OR14I1: variants seen among roughly 807,000 people sequenced by gnomAD.
OR14I1 encodes olfactory receptor 14I1.
For synonymous variants in OR14I1, 118 were observed against 71.1 expected (o/e 1.66, Z -3.32); for missense variants, 279 against 181.8 (o/e 1.53, Z -3.07).
At chr1:248,695,228 C>CTTTT in the OR14I1 span, among the ~76,000 whole-genome samples, 80 of 96,688 alleles carry the variant, frequency 8.3e-4, no homozygotes, top group Non-Finnish European at 9.3e-4. Flanking sequence ...TGAATGTATG[C>CTTTT]TTTTTTTTTT....
chr1:248,692,676 C>T, the OR14I1 span: 3 of 151,894 alleles, frequency 2.0e-5, no homozygotes, highest in Admixed American at 1.3e-4. Flanking sequence ...GTCTACAGAA[C>T]AGTGCTGGGG....
At chr1:248,682,081 G>C in exon 1 of OR14I1, 1 of 781,098 alleles carries the variant, frequency 1.3e-6, no homozygotes, top group Non-Finnish European at 2.4e-6. Flanking sequence ...TTTAGGCACA[G>C]TGACTGAGAT....
upstream of OR14I1, among the ~76,000 whole-genome samples, chr1:248,687,087 G>A (rs754850175): frequency 6.6e-5 from 10 of 152,180 alleles, no homozygotes; most frequent in Admixed American, 5.9e-4. Flanking sequence ...GCAGAATATG[G>A]AGTAGGTGCC....
chr1:248,679,565 T>C (rs1661525710), downstream of OR14I1, among the ~76,000 whole-genome samples: 1 of 152,168 alleles, frequency 6.6e-6, no homozygotes. Context: ...CATTAAGTGA[T>C]GAGTCAACTT....
chr1:248,685,257 C>T (rs766916546), upstream of OR14I1, among the ~76,000 whole-genome samples: 1 of 151,964 alleles, frequency 6.6e-6, no homozygotes, highest in Non-Finnish European at 1.5e-5. Flanking sequence ...TTACATTCTG[C>T]ATATTTTGAC....
the OR14I1 span, among the ~76,000 whole-genome samples, chr1:248,687,826 C>T: frequency 6.6e-6 from 1 of 152,130 alleles, no homozygotes; most frequent in African/African-American, 2.4e-5. Context: ...TACTATAAGG[C>T]AGTAGAAAAA....
At chr1:248,690,600 C>CAAAAAAAAAAAA in the OR14I1 span, among the ~76,000 whole-genome samples, 2 of 51,522 alleles carry the variant, frequency 3.9e-5, no homozygotes, top group African/African-American at 7.8e-5. Flanking sequence ...GTCTACCAAC[C>CAAAAAAAAAAAA]AAAAAAAAAA....
At chr1:248,683,124 A>C (rs1661591858), upstream of OR14I1, among the ~76,000 whole-genome samples, 2 of 152,238 alleles carry the variant, frequency 1.3e-5, no homozygotes, top group Non-Finnish European at 1.5e-5. Context: ...TAAGTTGCCC[A>C]ATGCACTGAA....
downstream of OR14I1, among the ~76,000 whole-genome samples, chr1:248,680,720 C>T (rs1015141951): frequency 6.6e-6 from 1 of 152,086 alleles, no homozygotes; most frequent in African/African-American, 2.4e-5. Flanking sequence ...GAAAGAGATC[C>T]GTTTCTATCA....
chr1:248,697,748 A>G, the OR14I1 span, among the ~76,000 whole-genome samples: 3,320 of 152,242 alleles, frequency 0.022, 131 homozygotes, highest in African/African-American at 0.076. Context: ...GCTCCACTGC[A>G]CTCCAGCCTG....
the OR14I1 span, chr1:248,692,862 C>T: frequency 2.0e-5 from 3 of 152,202 alleles, no homozygotes. Context: ...CAATGCCTGG[C>T]ATGTAATAAG....
the OR14I1 span, among the ~76,000 whole-genome samples, chr1:248,700,164 G>T: frequency 1.3e-5 from 2 of 152,186 alleles, no homozygotes; most frequent in Non-Finnish European, 1.5e-5. Flanking sequence ...GGATGAGCCT[G>T]GCCTTGCTCC....
the OR14I1 span, among the ~76,000 whole-genome samples, chr1:248,689,371 T>G: frequency 6.6e-6 from 1 of 152,160 alleles, no homozygotes; most frequent in Non-Finnish European, 1.5e-5. Flanking sequence ...TATGCTGTCT[T>G]CCAGGAACCT....
chr1:248,687,772 A>G, the OR14I1 span, among the ~76,000 whole-genome samples: 2 of 152,236 alleles, frequency 1.3e-5, no homozygotes, highest in Non-Finnish European at 2.9e-5. Context: ...GCCTACAGCT[A>G]GACATCCGTC....
At chr1:248,684,088 A>T (rs1370938112), upstream of OR14I1, among the ~76,000 whole-genome samples, 3 of 152,270 alleles carry the variant, frequency 2.0e-5, no homozygotes, top group South Asian at 2.1e-4. Context: ...GACGAGCAAT[A>T]CATATTTACA....
In OR14I1 at chr1:248,681,495, T is replaced by C. The variant is rs751557762; in HGVS notation, c.810A>G (p.Leu270=). The change falls in exon 1 of 1, where the codon TTA becomes TTG. Residue 270 remains leucine (L), a synonymous_variant. Transcript: ENST00000342623. The stretch of plus-strand genomic sequence containing the variant: ...AAACTGTGTATGTCAGAGCAATCAC[T>C]AAATCCTGAATGGACAGAGCTTTTG... 7 of 780,930 alleles carry C rather than the reference T, an allele frequency of 9.0e-6. No homozygotes were observed. In the South Asian group the frequency reaches 9.4e-5, roughly 10 times the overall value. 48.4% of individuals were successfully genotyped at this position (780,930 alleles called of 1,614,324 possible).
At chr1:248,700,248 A>T in the OR14I1 span, among the ~76,000 whole-genome samples, 2 of 152,196 alleles carry the variant, frequency 1.3e-5, no homozygotes, top group African/African-American at 4.8e-5. Flanking sequence ...ACTATTTTTT[A>T]AAATAACTGA....
upstream of OR14I1, among the ~76,000 whole-genome samples, chr1:248,686,361 T>C (rs1243859504): frequency 6.6e-6 from 1 of 152,204 alleles, no homozygotes; most frequent in Non-Finnish European, 1.5e-5. Context: ...ATCTAATCTA[T>C]ATGAAGCCTT....
chr1:248,686,883 A>T (rs1342170025), upstream of OR14I1, among the ~76,000 whole-genome samples: 2 of 152,236 alleles, frequency 1.3e-5, no homozygotes, highest in African/African-American at 4.8e-5. Context: ...CCAATTTAAC[A>T]TGCAAACTCA....
Sources: allele counts gnomAD v4.1 joint callset (sites outside exome capture counted in the v4.1 genomes callset), GRCh38; gene constraint gnomAD v4.1.1; transcripts MANE v1.5; gene names NCBI Gene and HGNC (gene_info 2026-07-23, HGNC 2026-07-21).